The following CRK variants were observed in gnomAD, a reference collection of about 807,000 sequenced individuals.
CRK encodes CRK proto-oncogene, adaptor protein.
CRK carries 4 observed loss-of-function variants against 29.8 expected under a neutral mutation model. That is an observed-to-expected ratio of 0.13 (90% confidence interval 0.07 to 0.31). The LOEUF (loss-of-function observed/expected upper bound fraction) is 0.31. Among genes scored for constraint, CRK ranks in the 10% least tolerant of loss-of-function variants. CRK has a pLI of 1.00. For synonymous variants in CRK, 153 were observed against 164.9 expected (o/e 0.93, Z 0.55); for missense variants, 274 against 396.5 (o/e 0.69, Z 2.62).
At position 1,455,951 on chromosome 17, in the gene CRK, C is replaced by T; in HGVS notation, c.167G>A (p.Arg56His). The T allele has an allele frequency of 6.2e-7, 1 of 1,602,510 alleles. No individual in the cohort carries two copies. Among genetic ancestry groups the T allele is most frequent in the South Asian group, 1.1e-5 (1 of 89,732 alleles). ...DYVLSVSENSRVSHYIINSSG... is the reference protein window; with the variant it reads ...DYVLSVSENSHVSHYIINSSG... The stretch of plus-strand genomic sequence containing the variant: ...GCTGTTGATGATGTAGTGGGAGACG[C>T]GCGAGTTCTCTGAGACGCTGAGCAC... The change falls in exon 1 of 3, where the codon CGC (arginine) becomes CAC (histidine). Residue 56 changes from arginine (R) to histidine (H), a missense_variant. Arg to His is a conservative substitution (Grantham distance 29). Coordinates refer to ENST00000300574, the MANE Select transcript of CRK (RefSeq NM_016823.4).
At chr17:1,437,242 G>C in intron 1 of CRK, 87 bp from the exon 2 acceptor site, 2 of 1,392,576 alleles carry the variant, frequency 1.4e-6, no homozygotes, top group Non-Finnish European at 1.9e-6. Context: ...TTTAGAGTTG[G>C]GATCTCACTA....
At chr17:1,451,192 C>CAAAAAAAAAAAAA (rs10691537) in intron 1 of CRK, among the ~76,000 whole-genome samples, 1 of 66,960 alleles carries the variant, frequency 1.5e-5, no homozygotes, top group African/African-American at 6.2e-5. Context: ...GAAACTGTCT[C>CAAAAAAAAAAAAA]AAAAAAAAAA....
intron 2 of CRK, among the ~76,000 whole-genome samples, chr17:1,425,783 A>C (rs2073773389): frequency 6.6e-6 from 1 of 152,168 alleles, no homozygotes; most frequent in African/African-American, 2.4e-5. Flanking sequence ...TTCCTGAAGA[A>C]CTCTCTAAAA....
At chr17:1,449,710 A>C (rs962697672) in intron 1 of CRK, among the ~76,000 whole-genome samples, 2 of 152,170 alleles carry the variant, frequency 1.3e-5, no homozygotes, top group Admixed American at 1.3e-4. Context: ...AAGCATTCCA[A>C]GGAGGTCCAT....
chr17:1,455,658 T>C (rs1469914738), intron 1 of CRK, among the ~76,000 whole-genome samples: 1 of 151,164 alleles, frequency 6.6e-6, no homozygotes, highest in Non-Finnish European at 1.5e-5. Context: ...GCGGCTGCCC[T>C]CCCCAGGCAC....
chr17:1,439,118 C>G (rs930912352), intron 1 of CRK, among the ~76,000 whole-genome samples: 2 of 152,150 alleles, frequency 1.3e-5, no homozygotes, highest in Non-Finnish European at 2.9e-5. Context: ...GACACCACGA[C>G]GGAGTCTCGC....
chr17:1,453,935 C>A (rs1167230351), intron 1 of CRK, among the ~76,000 whole-genome samples: 1 of 149,642 alleles, frequency 6.7e-6, no homozygotes, highest in African/African-American at 2.5e-5. Flanking sequence ...GTGCGGTGGC[C>A]CACGCCTGTA....
rs541187661 is a variant in CRK, at chr17:1,425,136, C to T, written c.778-1486G>A. Among the ~76,000 whole-genome samples, 30 of 151,886 alleles carry T rather than the reference C, an allele frequency of 2.0e-4. No individual in the cohort carries two copies. The South Asian group carries it at 6.2e-3, about 32-fold the overall frequency. ...ACAGAGTCTCGATCTGTTGCCCAGG[C>T]TGGAGTGCAGTGGCGCTATCTCAGC... On this transcript the variant is annotated intron_variant, in intron 2 of 2. Transcript: ENST00000300574.
intron 2 of CRK, among the ~76,000 whole-genome samples, chr17:1,433,889 C>T (rs187485996): frequency 9.5e-5 from 14 of 147,110 alleles, no homozygotes; most frequent in Admixed American, 6.2e-4. Flanking sequence ...TTGTAGAGAC[C>T]GGATCTCACC....
intron 2 of CRK, among the ~76,000 whole-genome samples, chr17:1,430,398 C>A (rs568991583): frequency 6.0e-5 from 9 of 150,906 alleles, no homozygotes; most frequent in Non-Finnish European, 1.3e-4. Context: ...GCTCTGTCGC[C>A]CAGGCTGGAG....
chr17:1,428,135 T>A lies in CRK; in HGVS notation c.778-4485A>T, dbSNP rs559898802. Among the ~76,000 whole-genome samples, 1,052 of 150,480 alleles carry A rather than the reference T, an allele frequency of 7.0e-3. 7 individuals carry two copies. Among genetic ancestry groups the A allele is most frequent in the South Asian group, 0.03 (141 of 4,720 alleles). ...CTTTCAGACTTTTTTTTTTTTTTTT[T>A]TAATGGAGTTTTTGCTCTTGTCACC... On this transcript the variant is annotated intron_variant, in intron 2 of 2. Transcript: ENST00000300574.
At chr17:1,454,413 G>A (rs1251518675) in intron 1 of CRK, among the ~76,000 whole-genome samples, 1 of 152,132 alleles carries the variant, frequency 6.6e-6, no homozygotes, top group Non-Finnish European at 1.5e-5. Flanking sequence ...GGTGGCGGGT[G>A]CCTGTAATCC....
At chr17:1,439,442 C>G (rs1302615727) in intron 1 of CRK, among the ~76,000 whole-genome samples, 2 of 152,072 alleles carry the variant, frequency 1.3e-5, no homozygotes, top group Non-Finnish European at 2.9e-5. Context: ...AACTCCCACT[C>G]GGCTAAGCAC....
rs369734659 is a variant in CRK, at chr17:1,436,598, C to T, written c.777+22G>A. The T allele has an allele frequency of 2.5e-6, 4 of 1,573,096 alleles. No homozygotes were observed. The African/African-American group carries it at 5.5e-5, about 21-fold the overall frequency. Reference sequence around the variant, plus strand: ...AGACCCTGCAGCAGATCTCTTCTTTCTACATTGTGCACGTTATGTACCTCC... The same window carrying T: ...AGACCCTGCAGCAGATCTCTTCTTTTTACATTGTGCACGTTATGTACCTCC... On this transcript the variant is annotated intron_variant, in intron 2 of 2. Coordinates refer to ENST00000300574, the MANE Select transcript of CRK (RefSeq NM_016823.4).
intron 1 of CRK, 35 bp downstream of exon 1, chr17:1,455,842 C>G: frequency 6.7e-7 from 1 of 1,493,310 alleles, no homozygotes; most frequent in Non-Finnish European, 8.9e-7. Flanking sequence ...CGGCCCTCAC[C>G]CCGCCCAGGG....
At chr17:1,428,118 CTTTT>C (rs55649851) in intron 2 of CRK, among the ~76,000 whole-genome samples, 1 of 135,856 alleles carries the variant, frequency 7.4e-6, no homozygotes. Flanking sequence ...TTCTTTCAGA[CTTTT>C]TTTTTTTTTT....
intron 1 of CRK, among the ~76,000 whole-genome samples, chr17:1,451,008 C>T (rs573326975): frequency 1.3e-5 from 2 of 151,354 alleles, no homozygotes; most frequent in Non-Finnish European, 2.9e-5. Context: ...CTGGCTAACA[C>T]GGTGAAACCC....
chr17:1,425,257 T>A (rs2073767541), intron 2 of CRK, among the ~76,000 whole-genome samples: 1 of 151,712 alleles, frequency 6.6e-6, no homozygotes, highest in South Asian at 2.1e-4. Flanking sequence ...GCCCAGCTAA[T>A]TTTTTGTATT....
In CRK at chr17:1,423,559, T is replaced by A; in HGVS notation, c.869A>T (p.His290Leu). 1 of 1,614,134 alleles carries A rather than the reference T, an allele frequency of 6.2e-7. No homozygotes were observed. Among genetic ancestry groups the A allele is most frequent in the Non-Finnish European group, 8.5e-7 (1 of 1,180,020 alleles). ...ATTCTGTTGATCCAGCAGACGGACA[T>A]GTGTGAATGGGAAGTGACCTCGTTT... is the stretch of plus-strand genomic sequence containing the variant. ...NGKRGHFPFT[H>L]VRLLDQQNPD... Residue 290 changes from histidine to leucine, a missense_variant, in exon 3 of 3, where the codon CAT becomes CTT. Physicochemically the swap from His to Leu is moderately conservative, Grantham distance 99. Transcript: ENST00000300574.
Sources: allele counts gnomAD v4.1 joint callset (sites outside exome capture counted in the v4.1 genomes callset), GRCh38; gene constraint gnomAD v4.1.1; transcripts MANE v1.5; gene names NCBI Gene and HGNC (gene_info 2026-07-23, HGNC 2026-07-21).